Variants in SIN3A observed in about 807,000 individuals in gnomAD.
The protein encoded by SIN3A is SIN3 transcription regulator family member A.
SIN3A carries 14 observed loss-of-function variants against 146.1 expected under a neutral mutation model. That is an observed-to-expected ratio of 0.10 (90% CI 0.06 to 0.15). SIN3A has a LOEUF of 0.15. Among genes scored for constraint, SIN3A ranks in the 10% least tolerant of loss-of-function variants. The pLI, the probability that SIN3A is intolerant of heterozygous loss-of-function variation, is 1.00. For synonymous variants in SIN3A, 572 were observed against 572.0 expected, an observed-to-expected ratio of 1.00 and a Z score of 0.00; for missense variants, 1,028 against 1,576.0, an observed-to-expected ratio of 0.65 and a Z score of 5.89.
intron 20 of SIN3A, among the ~76,000 whole-genome samples, chr15:75,372,658 CAAAAATACAAATAA>C (rs2072773922): frequency 1.3e-5 from 2 of 151,688 alleles, no homozygotes; most frequent in Admixed American, 1.3e-4. Context: ...CCCATCTCTA[CAAAAATACAAATAA>C]TAACTGGGCG....
Position 75,394,713 on chromosome 15 carries a change from G to C in SIN3A, c.2244C>G (p.Ser748Arg). The C allele has an allele frequency of 6.2e-7, 1 of 1,613,804 alleles. No individual in the cohort carries two copies. Among genetic ancestry groups the C allele is most frequent in the Non-Finnish European group, 8.5e-7 (1 of 1,179,916 alleles). The change falls in exon 14 of 21, where the codon AGC becomes AGG. Residue 748 changes from serine (S) to arginine (R), a missense_variant. This residue lies in a region of SIN3A where 488 missense variants were observed against 690.2 expected (regional missense o/e 0.71). Transcript: ENST00000394947. ...QNDTKVLRSK[S>R]LLNEIESIYD... Reference sequence around the variant, plus strand: ...AGATACTCTCAATCTCATTGAGTAAGCTCTTAGACCTCAGGACCTTGGTGT... The same window carrying C: ...AGATACTCTCAATCTCATTGAGTAACCTCTTAGACCTCAGGACCTTGGTGT...
chr15:75,381,846 G>T, intron 17 of SIN3A, 141 bp from the exon 18 acceptor site: 2 of 673,412 alleles, frequency 3.0e-6, no homozygotes, highest in Non-Finnish European at 5.1e-6. Flanking sequence ...CTAGATCTTG[G>T]GTGGCCAGTG....
Position 75,392,825 on chromosome 15 carries a change from CAG to C in SIN3A, c.2278-12_2278-11del, listed in dbSNP as rs1295781561. On this transcript the variant is annotated splice_polypyrimidine_tract_variant and intron_variant, in intron 14 of 20. Transcript: ENST00000394947. ...TAGCCTGCTCTTGCCTCTGATGGGA[CAG>C]AGACACAAAAGTATTCTGTGAGATG... 4 of 1,583,518 alleles carry C rather than the reference CAG, an allele frequency of 2.5e-6. No homozygotes were observed. Among genetic ancestry groups the C allele is most frequent in the Non-Finnish European group, 3.4e-6 (4 of 1,161,630 alleles).
chr15:75,395,736 T>TA (rs1013349579), intron 13 of SIN3A, among the ~76,000 whole-genome samples: 68 of 151,526 alleles, frequency 4.5e-4, no homozygotes, highest in Middle Eastern at 3.2e-3. Context: ...TCATCTCTAT[T>TA]AAAAAAAATA....
intron 19 of SIN3A, among the ~76,000 whole-genome samples, chr15:75,378,887 G>GATAT (rs61263220): frequency 0.069 from 10,050 of 144,828 alleles, 400 homozygotes; most frequent in Non-Finnish European, 0.084. Context: ...ATATAATAGG[G>GATAT]ATATATATAT....
chr15:75,392,865 A>C (rs1223337117), intron 14 of SIN3A, 50 bp from the exon 15 acceptor site: 1 of 1,328,442 alleles, frequency 7.5e-7, no homozygotes, highest in South Asian at 1.3e-5. Flanking sequence ...TACAGCGACA[A>C]CATGTCTACA....
At chr15:75,406,287 G>A (rs2073513181) in intron 9 of SIN3A, among the ~76,000 whole-genome samples, 1 of 152,294 alleles carries the variant, frequency 6.6e-6, no homozygotes, top group Admixed American at 6.5e-5. Context: ...CTCAACTCTC[G>A]TTGCTCATTA....
chr15:75,401,092 T>G, intron 10 of SIN3A, 152 bp from the exon 11 acceptor site: 1 of 623,564 alleles, frequency 1.6e-6, no homozygotes, highest in Non-Finnish European at 2.8e-6. Context: ...GCATTTGGTT[T>G]CCCCTTTTTC....
rs1338686582 is a variant in SIN3A at position 75,369,396 on chromosome 15, A to G, written c.*2583T>C. 6.6e-6 allele frequency: 1 copy of G among 152,196 alleles called. No homozygotes were observed. The highest frequency in any genetic ancestry group is 1.5e-5 in the Non-Finnish European group (1 of 68,044). 9.4% of individuals were successfully genotyped at this position (152,196 alleles called of 1,614,324 possible). A position where few individuals can be genotyped will look rare whatever the true frequency, so the allele number is the denominator to read the frequency against. Reference sequence around the variant, plus strand: ...ACACAAGATTAGCCCTGATATTTTAATGGAAATACTGACCAAGTTTACAAC... The same window carrying G: ...ACACAAGATTAGCCCTGATATTTTAGTGGAAATACTGACCAAGTTTACAAC... On this transcript the variant is annotated 3_prime_UTR_variant, in exon 21 of 21. Transcript: ENST00000394947.
rs149481332 is a variant in SIN3A, at chr15:75,410,200, G to T, written c.1095C>A (p.Leu365=). Reference sequence around the variant, plus strand: ...ACAACAAATCTTCCTGGTTTTTAAAGAGACGAGCAACCTGGGCATACACCT... The same window carrying T: ...ACAACAAATCTTCCTGGTTTTTAAATAGACGAGCAACCTGGGCATACACCT... ...EQEVYAQVAR[L]FKNQEDLLSE... Residue 365 remains leucine (L), a synonymous_variant, in exon 7 of 21, where the codon CTC becomes CTA. Transcript: ENST00000394947. The T allele has an allele frequency of 2.3e-5, 37 of 1,614,074 alleles. No homozygotes were observed. The Middle Eastern group carries it at 8.3e-4, about 36-fold the overall frequency.
intron 3 of SIN3A, among the ~76,000 whole-genome samples, chr15:75,414,733 C>G (rs1290383765): frequency 6.6e-6 from 1 of 152,150 alleles, no homozygotes; most frequent in Non-Finnish European, 1.5e-5. Flanking sequence ...GGTAATCACT[C>G]CATGCCTGGA....
intron 15 of SIN3A, among the ~76,000 whole-genome samples, chr15:75,391,502 T>TAAAA (rs35832447): frequency 2.3e-5 from 3 of 129,598 alleles, no homozygotes; most frequent in Admixed American, 7.9e-5. Flanking sequence ...CAGCAACACA[T>TAAAA]AAAAAAAAAA....
intron 6 of SIN3A, 85 bp downstream of exon 6, chr15:75,411,407 T>G: frequency 1.5e-6 from 2 of 1,323,556 alleles, no homozygotes; most frequent in Non-Finnish European, 2.1e-6. Context: ...TATGAATTAA[T>G]GGACACAATA....
chr15:75,389,468 C>T (rs993665804), intron 16 of SIN3A, among the ~76,000 whole-genome samples, 184 bp downstream of exon 16: 3 of 152,186 alleles, frequency 2.0e-5, no homozygotes, highest in African/African-American at 4.8e-5. Flanking sequence ...GGTAGGCAGG[C>T]TCATACACTG....
chr15:75,444,711 C>A (rs904284044), intron 1 of SIN3A, among the ~76,000 whole-genome samples: 1 of 151,882 alleles, frequency 6.6e-6, no homozygotes, highest in African/African-American at 2.4e-5. Flanking sequence ...CTGATGTTAC[C>A]CAGACATTTC....
rs1266517266 is a variant in SIN3A at position 75,392,798 on chromosome 15, C to T, written c.2295G>A (p.Thr765=). The change falls in exon 15 of 21, where the codon ACG becomes ACA. Residue 765 remains threonine, a synonymous_variant. Coordinates refer to ENST00000394947, the MANE Select transcript of SIN3A (RefSeq NM_001145358.2). The part of the protein sequence containing the change: ...SIYDERQEQA[T]EENAGVPVGP... ...CAACAGGTACACCAGCATTCTCCTCCGTAGCCTGCTCTTGCCTCTGATGGG... is the reference window on the plus strand; with the variant it reads ...CAACAGGTACACCAGCATTCTCCTCTGTAGCCTGCTCTTGCCTCTGATGGG... 3.1e-6 allele frequency: 5 copies of T among 1,610,224 alleles called. No individual in the cohort carries two copies. Among genetic ancestry groups the T allele is most frequent in the Admixed American group, 1.7e-5 (1 of 59,756 alleles).
intron 2 of SIN3A, among the ~76,000 whole-genome samples, chr15:75,426,888 TGCCACA>T (rs2073934437): frequency 6.6e-6 from 1 of 151,862 alleles, no homozygotes; most frequent in Non-Finnish European, 1.5e-5. Flanking sequence ...GCTGAGATCA[TGCCACA>T]GCCTTCCAGC....
At chr15:75,427,064 CCTTT>C (rs1410625106) in intron 2 of SIN3A, among the ~76,000 whole-genome samples, 2 of 152,068 alleles carry the variant, frequency 1.3e-5, no homozygotes, top group African/African-American at 4.8e-5. Flanking sequence ...CATTTTATAT[CCTTT>C]TTTTAAAAAA....
chr15:75,412,899 T>C lies in SIN3A; in HGVS notation c.620A>G (p.Gln207Arg). 1 of 1,614,030 alleles carries C rather than the reference T, an allele frequency of 6.2e-7. No homozygotes were observed. The highest frequency in any genetic ancestry group is 1.1e-5 in the South Asian group (1 of 91,070). ...NDMVNVTTPG[Q>R]VHQIPTHGIQ... ...GCCATGGGTGGGAATCTGATGAACC[T>C]GGCCAGGAGTTGTCACATTCACCAT... The change falls in exon 5 of 21, where the codon CAG becomes CGG. Residue 207 changes from glutamine (Q) to arginine (R), a missense_variant. By Grantham distance (43) the Gln-to-Arg change is conservative. Transcript: ENST00000394947.
Sources: allele counts gnomAD v4.1 joint callset (sites outside exome capture counted in the v4.1 genomes callset), GRCh38; gene constraint gnomAD v4.1.1; regional missense constraint gnomAD v4.1.1; transcripts MANE v1.5; gene names NCBI Gene and HGNC (gene_info 2026-07-23, HGNC 2026-07-21).